Variants in ADGRG6 observed in about 807,000 individuals in gnomAD.
ADGRG6 encodes the protein G-protein coupled receptor 126.
Under a neutral mutation model 142.4 loss-of-function variants are expected in ADGRG6, and 84 were observed. The observed-to-expected ratio is 0.59, with a 90% CI of 0.49 to 0.71. ADGRG6 has a LOEUF of 0.71. Ranked by LOEUF, ADGRG6 falls within the 30% of genes least tolerant of loss-of-function variation. ADGRG6 has a pLI of 0.00. For missense variants in ADGRG6, 1,367 were observed against 1,466.6 expected (o/e 0.93, Z 1.11); for synonymous variants, 521 against 520.5 (o/e 1.00, Z -0.01).
chr6:142,411,342 A>C lies in ADGRG6; in HGVS notation c.2472A>C (p.Ala824=), dbSNP rs1200237872. 1.9e-6 allele frequency: 3 copies of C among 1,609,336 alleles called. No homozygotes were observed. The highest frequency in any genetic ancestry group is 2.6e-6 in the Non-Finnish European group (3 of 1,175,918). ...GATGGAACACGTCAGGATGTGTTGC[A>C]CACAGAGATTCAGATGCAAGTGAGA... ...FGGWNTSGCV[A]HRDSDASETV... is the part of the protein sequence containing the mutation. Residue 824 remains alanine (A), a synonymous_variant, in exon 18 of 25, where the codon GCA becomes GCC. Transcript: ENST00000367609.
intron 2 of ADGRG6, among the ~76,000 whole-genome samples, chr6:142,353,708 TA>T (rs1325633387): frequency 6.6e-6 from 1 of 152,112 alleles, no homozygotes; most frequent in Non-Finnish European, 1.5e-5. Flanking sequence ...CTGAAAAGAG[TA>T]TGCCCCAAGA....
intron 24 of ADGRG6, among the ~76,000 whole-genome samples, chr6:142,442,964 T>A (rs553333080): frequency 4.0e-4 from 61 of 152,300 alleles, no homozygotes; most frequent in Non-Finnish European, 7.2e-4. Context: ...TTAGATATAA[T>A]TTCTTCCACA....
chr6:142,427,194 T>C (rs947370360), intron 22 of ADGRG6, among the ~76,000 whole-genome samples: 1 of 152,218 alleles, frequency 6.6e-6, no homozygotes, highest in Non-Finnish European at 1.5e-5. Context: ...CAAACTTTAA[T>C]GCTCTGTTTC....
At chr6:142,386,427 A>G (rs1185325173) in intron 6 of ADGRG6, among the ~76,000 whole-genome samples, 3 of 152,230 alleles carry the variant, frequency 2.0e-5, no homozygotes, top group African/African-American at 7.2e-5. Context: ...TATGAGCTGT[A>G]CATACATTTA....
At chr6:142,430,603 C>A (rs1777163911) in intron 22 of ADGRG6, among the ~76,000 whole-genome samples, 1 of 152,168 alleles carries the variant, frequency 6.6e-6, no homozygotes, top group Admixed American at 6.5e-5. Context: ...GCCTAAATAT[C>A]TAAGTGTATC....
At chr6:142,430,765 G>A (rs1777172845) in intron 22 of ADGRG6, among the ~76,000 whole-genome samples, 1 of 152,156 alleles carries the variant, frequency 6.6e-6, no homozygotes, top group Admixed American at 6.6e-5. Context: ...TAGATGAAAG[G>A]ATTAGATATC....
chr6:142,363,831 C>T (rs933534268), intron 2 of ADGRG6, among the ~76,000 whole-genome samples: 3 of 152,066 alleles, frequency 2.0e-5, no homozygotes, highest in Non-Finnish European at 4.4e-5. Context: ...ATTCAAAGCA[C>T]TATATTTCAT....
intron 2 of ADGRG6, among the ~76,000 whole-genome samples, chr6:142,322,602 A>G: frequency 6.6e-6 from 1 of 152,032 alleles, no homozygotes. Context: ...ACTAATGCAA[A>G]AACCAACATA....
In ADGRG6 at chr6:142,370,248, T is replaced by C; in HGVS notation, c.524T>C (p.Ile175Thr). Residue 175 changes from isoleucine (I) to threonine (T), a missense_variant, in exon 4 of 25, where the codon ATC becomes ACC. By Grantham distance (89) the Ile-to-Thr change is moderately conservative (BLOSUM62 -1). This residue lies in a region of ADGRG6 where 737 missense variants were observed against 746.5 expected (regional missense o/e 0.99). Coordinates refer to ENST00000367609, the MANE Select transcript of ADGRG6 (RefSeq NM_198569.3). ...TACCAGGTATCTGTTGCAAAAAGCA[T>C]CTCTATTCCAGAGCTCAGTGCTTTC... ...DAYQVSVAKS[I>T]SIPELSAFTL... 1 of 1,613,130 alleles carries C rather than the reference T, an allele frequency of 6.2e-7. No individual in the cohort carries two copies. Among genetic ancestry groups the C allele is most frequent in the Non-Finnish European group, 8.5e-7 (1 of 1,179,178 alleles).
chr6:142,403,870 C>G lies in ADGRG6; in HGVS notation c.2024C>G (p.Thr675Arg), dbSNP rs749938643. 1.2e-5 allele frequency: 20 copies of G among 1,608,636 alleles called. No individual in the cohort carries two copies. The highest frequency in any genetic ancestry group is 2.2e-5 in the East Asian group (1 of 44,844). The stretch of plus-strand genomic sequence containing the variant: ...AATAGCACATCACATGTGAATATTA[C>G]AACTCGGAACTTGGCTCTCAGCGTA... ...DLNSTSHVNI[T>R]TRNLALSVSS... Residue 675 changes from threonine to arginine, a missense_variant, in exon 14 of 25, where the codon ACA becomes AGA. Thr to Arg is a moderately conservative substitution (Grantham distance 71, BLOSUM62 -1). Transcript: ENST00000367609.
intron 22 of ADGRG6, among the ~76,000 whole-genome samples, chr6:142,427,137 G>A (rs1245364583): frequency 6.6e-6 from 1 of 152,132 alleles, no homozygotes; most frequent in African/African-American, 2.4e-5. Flanking sequence ...TTTCACCTCA[G>A]AAAATGGCAT....
Position 142,411,694 on chromosome 6 carries a change from A to G in ADGRG6, c.2541+283A>G, listed in dbSNP as rs189070269. Among the ~76,000 whole-genome samples the G allele has an allele frequency of 4.5e-3, 680 of 152,258 alleles. 7 individuals are homozygous for G. Among genetic ancestry groups the G allele is most frequent in the Non-Finnish European group, 7.1e-3 (486 of 68,012 alleles). On this transcript the variant is annotated intron_variant, in intron 18 of 24. Coordinates refer to ENST00000367609, the MANE Select transcript of ADGRG6 (RefSeq NM_198569.3). Reference sequence around the variant, plus strand: ...CAAGAAAATCCTCATGAAACTTTTTAATTAAGAGAGAAACAGAGTCAAAGA... The same window carrying G: ...CAAGAAAATCCTCATGAAACTTTTTGATTAAGAGAGAAACAGAGTCAAAGA...
At chr6:142,390,698 AC>A (rs1478511062) in intron 7 of ADGRG6, among the ~76,000 whole-genome samples, 1 of 151,842 alleles carries the variant, frequency 6.6e-6, no homozygotes, top group Non-Finnish European at 1.5e-5. Flanking sequence ...TTTGATCAAA[AC>A]CAGCAAGTAT....
intron 20 of ADGRG6, 185 bp from the exon 21 acceptor site, chr6:142,417,088 C>T: frequency 1.6e-6 from 1 of 640,418 alleles, no homozygotes; most frequent in South Asian, 1.7e-5. Context: ...GGACATTGAA[C>T]CCCAAGGAGG....
intron 2 of ADGRG6, among the ~76,000 whole-genome samples, chr6:142,338,221 C>T (rs1055894477): frequency 3.2e-4 from 48 of 150,474 alleles, no homozygotes; most frequent in Non-Finnish European, 6.2e-4. Flanking sequence ...GGGGTTTCAC[C>T]GTGGTCTCGA....
chr6:142,314,354 A>G (rs973463771), intron 2 of ADGRG6, among the ~76,000 whole-genome samples: 3 of 152,162 alleles, frequency 2.0e-5, no homozygotes, highest in African/African-American at 2.4e-5. Context: ...AGGAAGAGGG[A>G]GATGTCAGGT....
chr6:142,334,319 A>T (rs1368629704), intron 2 of ADGRG6, among the ~76,000 whole-genome samples: 1 of 152,056 alleles, frequency 6.6e-6, no homozygotes, highest in Non-Finnish European at 1.5e-5. Flanking sequence ...AAACAAAACT[A>T]CTCCACATTG....
chr6:142,418,907 CAA>C (rs1776513131), intron 21 of ADGRG6, among the ~76,000 whole-genome samples: 1 of 152,062 alleles, frequency 6.6e-6, no homozygotes, highest in South Asian at 2.1e-4. Flanking sequence ...TATTATTTGA[CAA>C]CTTTGCATAT....
chr6:142,382,158 T>G (rs1045211806), intron 5 of ADGRG6, 139 bp downstream of exon 5: 1 of 622,768 alleles, frequency 1.6e-6, no homozygotes, highest in East Asian at 2.8e-5. Flanking sequence ...AATTTCTGCA[T>G]GTGTTTTAGT....
Sources: allele counts gnomAD v4.1 joint callset (sites outside exome capture counted in the v4.1 genomes callset), GRCh38; gene constraint gnomAD v4.1.1; regional missense constraint gnomAD v4.1.1; transcripts MANE v1.5; gene names NCBI Gene and HGNC (gene_info 2026-07-23, HGNC 2026-07-21).